The following NCOA1 variants were observed in gnomAD, a reference collection of about 807,000 sequenced individuals.
NCOA1 encodes Hin-2 protein.
In NCOA1, 35 loss-of-function variants were observed where a neutral mutation model predicts 150.9. The ratio of observed to expected loss-of-function variants is 0.23; its 90% CI spans 0.18 to 0.31. The LOEUF is 0.31. NCOA1 is among the 10% of genes least tolerant of loss of function. NCOA1 has a pLI of 1.00. For missense variants in NCOA1, 1,491 were observed against 1,749.3 expected (o/e 0.85, Z 2.63); for synonymous variants, 590 against 630.0 (o/e 0.94, Z 0.95).
chr2:24,719,147 T>C (rs991827114), intron 14 of NCOA1, among the ~76,000 whole-genome samples: 2 of 150,518 alleles, frequency 1.3e-5, no homozygotes, highest in Non-Finnish European at 2.9e-5. Context: ...GAAGGAACTA[T>C]AATACTATTA....
In NCOA1 at chr2:24,758,160, A is replaced by T. The variant is rs376356175; in HGVS notation, c.4065+4A>T. ...GAACACTGTGTGCCCTGAGCAGGTA[A>T]GTGGCACACTCGCCACACACATGCC... is the stretch of plus-strand genomic sequence containing the variant. On this transcript the variant is annotated splice_donor_region_variant and intron_variant, in intron 21 of 22. Transcript: ENST00000348332. The T allele has an allele frequency of 6.2e-6, 10 of 1,605,646 alleles. No homozygotes were observed. Among genetic ancestry groups the T allele is most frequent in the Non-Finnish European group, 8.5e-6 (10 of 1,173,568 alleles).
chr2:24,622,070 T>C (rs780972691), intron 3 of NCOA1, among the ~76,000 whole-genome samples: 3 of 152,120 alleles, frequency 2.0e-5, no homozygotes, highest in African/African-American at 4.8e-5. Flanking sequence ...TCCAGCAAAA[T>C]AGATGATGAA....
At chr2:24,658,826 T>G in intron 5 of NCOA1, 60 bp downstream of exon 5, 7 of 1,441,478 alleles carry the variant, frequency 4.9e-6, no homozygotes, top group Non-Finnish European at 6.8e-6. Context: ...TCACTGCCAC[T>G]TCAGAGCTTT....
chr2:24,701,597 A>G (rs993237589), intron 11 of NCOA1, among the ~76,000 whole-genome samples: 8 of 152,118 alleles, frequency 5.3e-5, no homozygotes, highest in African/African-American at 1.9e-4. Context: ...CCAATTCTAG[A>G]AAATTAACAA....
At chr2:24,585,446 A>G (rs920919385) in intron 3 of NCOA1, among the ~76,000 whole-genome samples, 1 of 152,032 alleles carries the variant, frequency 6.6e-6, no homozygotes, top group Non-Finnish European at 1.5e-5. Context: ...TTTTTAGTGT[A>G]GAAATTTCCA....
At chr2:24,650,286 G>GC (rs1558873467) in intron 4 of NCOA1, among the ~76,000 whole-genome samples, 1 of 151,924 alleles carries the variant, frequency 6.6e-6, no homozygotes, top group Non-Finnish European at 1.5e-5. Context: ...AAAATATCTA[G>GC]TATTCAACAA....
In NCOA1 at chr2:24,752,118, C is replaced by T. The variant is rs1180114073; in HGVS notation, c.3843C>T (p.Asp1281=). ...TPPASGYQSP[D]MKAWQQGAIG... is the part of the protein sequence containing the mutation. ...CTGCCTCCGGGTATCAGTCACCAGA[C>T]ATGAAGGCCTGGCAGCAAGGAGCGA... The change falls in exon 20 of 23, where the codon GAC becomes GAT. Residue 1281 remains aspartate, a synonymous_variant. Transcript: ENST00000348332. 1 of 1,614,076 alleles carries T rather than the reference C, an allele frequency of 6.2e-7. No homozygotes were observed. Among genetic ancestry groups the T allele is most frequent in the East Asian group, 2.2e-5 (1 of 44,884 alleles).
At chr2:24,554,919 C>T (rs1269859175) in intron 1 of NCOA1, among the ~76,000 whole-genome samples, 1 of 152,138 alleles carries the variant, frequency 6.6e-6, no homozygotes, top group Non-Finnish European at 1.5e-5. Context: ...GAATGTTGTA[C>T]CTTGGTATCC....
chr2:24,744,078 C>G (rs1427474098), intron 19 of NCOA1, among the ~76,000 whole-genome samples: 1 of 152,128 alleles, frequency 6.6e-6, no homozygotes, highest in African/African-American at 2.4e-5. Flanking sequence ...AGTTCTGGGT[C>G]TAGCCTTTTG....
At chr2:24,748,847 G>C (rs1309122989) in intron 19 of NCOA1, among the ~76,000 whole-genome samples, 1 of 152,058 alleles carries the variant, frequency 6.6e-6, no homozygotes, top group Non-Finnish European at 1.5e-5. Context: ...CAAGGACATA[G>C]AAACATGTTT....
At chr2:24,743,704 C>T (rs56200610) in intron 19 of NCOA1, among the ~76,000 whole-genome samples, 38,735 of 152,128 alleles carry the variant, frequency 0.25, 4,989 homozygotes, top group Non-Finnish European at 0.27. Context: ...CTTGTGTAGT[C>T]ATCTGCATCC....
intron 3 of NCOA1, among the ~76,000 whole-genome samples, chr2:24,629,817 C>T (rs6707640): frequency 0.48 from 36,697 of 77,014 alleles, 8,353 homozygotes; most frequent in Non-Finnish European, 0.6. Context: ...AACATACATA[C>T]ATATATATAT....
chr2:24,601,561 G>A (rs1445789722), intron 3 of NCOA1, among the ~76,000 whole-genome samples: 1 of 150,166 alleles, frequency 6.7e-6, no homozygotes, highest in African/African-American at 2.4e-5. Context: ...CAGTTTTATT[G>A]ATTGGGATTA....
At position 24,618,034 on chromosome 2, in the gene NCOA1, ATATT is replaced by A. The variant is rs574129899; in HGVS notation, c.-174-25928_-174-25925del. On this transcript the variant is annotated intron_variant, in intron 3 of 22. Transcript: ENST00000348332. The stretch of plus-strand genomic sequence containing the variant: ...ATTATTAAAATAAAACTATATAGAG[ATATT>A]TATAGAAAGAATGCATATGCAGATA... 5.9e-5 allele frequency among the ~76,000 whole-genome samples: 9 copies of A among 152,314 alleles called. No individual in the cohort carries two copies. The East Asian group carries it at 1.5e-3, about 26-fold the overall frequency.
intron 1 of NCOA1, among the ~76,000 whole-genome samples, chr2:24,538,379 A>G (rs1368466260): frequency 6.6e-6 from 1 of 152,222 alleles, no homozygotes; most frequent in Non-Finnish European, 1.5e-5. Context: ...ATCCTTTCCA[A>G]AACCTCGAAA....
At chr2:24,706,547 A>G (rs1673442181) in intron 12 of NCOA1, 21 bp from the exon 13 acceptor site, 1 of 1,560,324 alleles carries the variant, frequency 6.4e-7, no homozygotes, top group Non-Finnish European at 8.7e-7. Context: ...TGTTTGAATA[A>G]TAATGTCTTT....
At chr2:24,741,193 G>A (rs772297755) in intron 18 of NCOA1, among the ~76,000 whole-genome samples, 9 of 151,840 alleles carry the variant, frequency 5.9e-5, no homozygotes, top group Non-Finnish European at 1.2e-4. Context: ...CATGTTCATC[G>A]TAATAATTTG....
At chr2:24,558,518 T>C (rs181445595) in intron 1 of NCOA1, among the ~76,000 whole-genome samples, 3 of 152,272 alleles carry the variant, frequency 2.0e-5, no homozygotes, top group East Asian at 3.9e-4. Flanking sequence ...ATGAGACTTA[T>C]TCACTATCAC....
At chr2:24,711,985 T>C (rs148398657) in intron 14 of NCOA1, among the ~76,000 whole-genome samples, 145 of 152,348 alleles carry the variant, frequency 9.5e-4, no homozygotes, top group African/African-American at 3.3e-3. Context: ...CTGGAACTTT[T>C]AACTGTCATG....
Sources: gnomAD v4.1 joint callset for allele counts (sites outside exome capture counted in the v4.1 genomes callset) on GRCh38, gnomAD v4.1.1 for gene constraint, MANE v1.5 for transcripts, NCBI Gene and HGNC (gene_info 2026-07-23, HGNC 2026-07-21) for gene names.